CNTN3: variants seen among roughly 807,000 people sequenced by gnomAD.
The protein encoded by CNTN3 is contactin-3.
In CNTN3, 60 loss-of-function variants were observed where a neutral mutation model predicts 119.1. The ratio of observed to expected loss-of-function variants is 0.50; its 90% confidence interval spans 0.41 to 0.62. CNTN3 has a LOEUF of 0.62. CNTN3 is among the 20% of genes least tolerant of loss of function. The pLI is 0.00. For missense variants in CNTN3, 1,101 were observed against 1,242.4 expected (o/e 0.89, Z 1.71); for synonymous variants, 450 against 438.7 (o/e 1.03, Z -0.32).
intron 13 of CNTN3, among the ~76,000 whole-genome samples, chr3:74,306,062 T>C (rs1239996633): frequency 6.6e-6 from 1 of 151,956 alleles, no homozygotes; most frequent in Non-Finnish European, 1.5e-5. Context: ...CAATTGAGTA[T>C]TCCCAGGCAT....
rs572994154 is a variant in CNTN3, at chr3:74,356,962, C to T, written c.1364+4928G>A. Among the ~76,000 whole-genome samples the T allele has an allele frequency of 2.7e-3, 409 of 152,148 alleles. 6 individuals are homozygous for T. The highest frequency in any genetic ancestry group is 9.4e-3 in the African/African-American group (391 of 41,472). Reference sequence around the variant, plus strand: ...ATTTTGAGTAGGAGTCTCGCTCTGTCGCCCAGGCTGGAGTGCAGTGGCATG... The same window carrying T: ...ATTTTGAGTAGGAGTCTCGCTCTGTTGCCCAGGCTGGAGTGCAGTGGCATG... On this transcript the variant is annotated intron_variant, in intron 11 of 22. Coordinates refer to ENST00000263665, the MANE Select transcript of CNTN3 (RefSeq NM_020872.3).
intron 3 of CNTN3, among the ~76,000 whole-genome samples, chr3:74,489,651 G>A (rs1446665946): frequency 8.4e-6 from 1 of 119,244 alleles, no homozygotes; most frequent in African/African-American, 3.4e-5. Flanking sequence ...TAATCCCCAG[G>A]CCTTAGTCAT....
intron 4 of CNTN3, among the ~76,000 whole-genome samples, chr3:74,463,589 A>G (rs1173222801): frequency 6.6e-6 from 1 of 152,182 alleles, no homozygotes; most frequent in Non-Finnish European, 1.5e-5. Flanking sequence ...CCTCATGCAG[A>G]CATATCTCAC....
chr3:74,600,219 G>A (rs191043624), intron 1 of CNTN3, among the ~76,000 whole-genome samples: 3 of 152,080 alleles, frequency 2.0e-5, no homozygotes, highest in East Asian at 3.9e-4. Context: ...AGGTGAATAG[G>A]GGAGTTGAAA....
At chr3:74,480,678 C>T (rs76667849) in intron 4 of CNTN3, among the ~76,000 whole-genome samples, 4,081 of 124,986 alleles carry the variant, frequency 0.033, 186 homozygotes, top group East Asian at 0.24. Context: ...TGTACATGCT[C>T]ACACTATTTC....
At chr3:74,553,717 T>C (rs929605668) in intron 1 of CNTN3, among the ~76,000 whole-genome samples, 1 of 152,224 alleles carries the variant, frequency 6.6e-6, no homozygotes, top group African/African-American at 2.4e-5. Context: ...ATGTCTTCTT[T>C]TGAGAAGTGT....
chr3:74,468,836 T>G (rs1381809474), intron 4 of CNTN3, among the ~76,000 whole-genome samples: 2 of 152,138 alleles, frequency 1.3e-5, no homozygotes, highest in East Asian at 3.9e-4. Context: ...AGATGACAGA[T>G]TTGGGAGGGG....
intron 5 of CNTN3, among the ~76,000 whole-genome samples, chr3:74,411,408 G>T (rs1701436562): frequency 6.6e-6 from 1 of 152,098 alleles, no homozygotes. Context: ...GGTCCTGCAA[G>T]ATGCTCCATA....
chr3:74,476,990 G>T (rs1267623929), intron 4 of CNTN3, among the ~76,000 whole-genome samples: 1 of 152,080 alleles, frequency 6.6e-6, no homozygotes, highest in Non-Finnish European at 1.5e-5. Context: ...GAGGAGTAAA[G>T]AATAGGCATG....
chr3:74,373,403 A>G (rs1575668800), intron 5 of CNTN3, among the ~76,000 whole-genome samples: 1 of 152,278 alleles, frequency 6.6e-6, no homozygotes, highest in Admixed American at 6.5e-5. Flanking sequence ...CACACATGAA[A>G]CTAACAAGGT....
chr3:74,539,113 A>G (rs1703804773), intron 1 of CNTN3, among the ~76,000 whole-genome samples: 1 of 152,048 alleles, frequency 6.6e-6, no homozygotes, highest in African/African-American at 2.4e-5. Flanking sequence ...TTTCCACCCT[A>G]TGGTCTCCCA....
intron 19 of CNTN3, among the ~76,000 whole-genome samples, chr3:74,285,943 A>C (rs1702108603): frequency 6.6e-6 from 1 of 151,112 alleles, no homozygotes; most frequent in Admixed American, 6.6e-5. Flanking sequence ...ATAAGGCCAG[A>C]TCATTTTTTA....
chr3:74,473,013 ACTTCT>A lies in CNTN3; in HGVS notation c.358+13438_358+13442del, dbSNP rs762562111. Reference sequence around the variant, plus strand: ...TTGCATTTGTTTAATCTTTCTTCAAACTTCTCTTTCCATGTCTAAATGTGCTTCTA... The same window carrying A: ...TTGCATTTGTTTAATCTTTCTTCAAACTTTCCATGTCTAAATGTGCTTCTA... On this transcript the variant is annotated intron_variant, in intron 4 of 22. Coordinates refer to ENST00000263665, the MANE Select transcript of CNTN3 (RefSeq NM_020872.3). 3.3e-4 allele frequency among the ~76,000 whole-genome samples: 50 copies of A among 152,004 alleles called. 4 individuals are homozygous for A. Among genetic ancestry groups the A allele is most frequent in the Admixed American group, 2.2e-3 (34 of 15,270 alleles).
intron 5 of CNTN3, among the ~76,000 whole-genome samples, chr3:74,419,098 G>A (rs1206102319): frequency 6.6e-6 from 1 of 152,082 alleles, no homozygotes; most frequent in Non-Finnish European, 1.5e-5. Flanking sequence ...CACCTGGCCT[G>A]TTTTAAAGTT....
intron 5 of CNTN3, among the ~76,000 whole-genome samples, chr3:74,389,501 T>G (rs1460708666): frequency 6.6e-6 from 1 of 152,198 alleles, no homozygotes; most frequent in Non-Finnish European, 1.5e-5. Context: ...ATTTTATAGT[T>G]GTAATAATAA....
intron 4 of CNTN3, among the ~76,000 whole-genome samples, chr3:74,437,603 T>C (rs1701890765): frequency 6.6e-6 from 1 of 152,172 alleles, no homozygotes; most frequent in Admixed American, 6.5e-5. Flanking sequence ...AATACTAAAG[T>C]TTAAAACACG....
intron 1 of CNTN3, among the ~76,000 whole-genome samples, chr3:74,588,678 A>G (rs1209971676): frequency 1.3e-5 from 2 of 152,142 alleles, no homozygotes; most frequent in Non-Finnish European, 2.9e-5. Context: ...ACAAAGCCGG[A>G]GGCATCATGC....
chr3:74,526,202 T>G (rs1429691667), intron 1 of CNTN3, among the ~76,000 whole-genome samples: 3 of 97,998 alleles, frequency 3.1e-5, no homozygotes, highest in African/African-American at 9.6e-5. Flanking sequence ...GAATATATAT[T>G]ATTCCTAATC....
chr3:74,276,754 C>A (rs1701889502), intron 20 of CNTN3, among the ~76,000 whole-genome samples: 1 of 151,970 alleles, frequency 6.6e-6, no homozygotes, highest in African/African-American at 2.4e-5. Context: ...CAAACCCAAA[C>A]TCAGCAGAAG....
Sources: gnomAD v4.1 joint callset for allele counts (sites outside exome capture counted in the v4.1 genomes callset) on GRCh38, gnomAD v4.1.1 for gene constraint, MANE v1.5 for transcripts, NCBI Gene and HGNC (gene_info 2026-07-23, HGNC 2026-07-21) for gene names.